OTOP1: variants seen among roughly 807,000 people sequenced by gnomAD.
The protein encoded by OTOP1 is proton channel OTOP1.
In OTOP1, 59 loss-of-function variants were observed where a neutral mutation model predicts 52.9. The observed-to-expected ratio is 1.12, with a 90% CI of 0.91 to 1.39. The LOEUF (loss-of-function observed/expected upper bound fraction) is 1.39. OTOP1 is among the 40% of genes most tolerant of loss of function. The pLI, the probability that OTOP1 is intolerant of heterozygous loss-of-function variation, is 0.00. For missense variants in OTOP1, 761 were observed against 800.9 expected, an observed-to-expected ratio of 0.95 and a Z score of 0.60; for synonymous variants, 317 against 337.7, an observed-to-expected ratio of 0.94 and a Z score of 0.67.
intron 3 of OTOP1, among the ~76,000 whole-genome samples, chr4:4,203,379 G>A (rs6836695): frequency 0.072 from 10,977 of 152,240 alleles, 551 homozygotes; most frequent in Admixed American, 0.16. Context: ...TGAGCTGCGG[G>A]AGATCCAGAT....
intron 3 of OTOP1, among the ~76,000 whole-genome samples, chr4:4,204,831 G>C (rs1716864238): frequency 6.6e-6 from 1 of 151,962 alleles, no homozygotes; most frequent in Non-Finnish European, 1.5e-5. Context: ...GAGTGCAGTG[G>C]CGTGATCTCG....
chr4:4,212,844 TATAA>T lies in OTOP1; in HGVS notation c.540+20_540+23del, dbSNP rs746479406. On this transcript the variant is annotated intron_variant, in intron 2 of 5. Transcript: ENST00000296358. ...GATACACTTCATAGGAATGAGACAA[TATAA>T]ATAAACATCAGTGGTTTACCTGCAA... The T allele has an allele frequency of 1.4e-5, 23 of 1,612,844 alleles. No individual in the cohort carries two copies. Among genetic ancestry groups the T allele is most frequent in the Non-Finnish European group, 1.7e-6 (2 of 1,179,044 alleles).
chr4:4,224,031 A>G (rs1317215709), intron 1 of OTOP1, among the ~76,000 whole-genome samples: 1 of 151,022 alleles, frequency 6.6e-6, no homozygotes, highest in Admixed American at 6.6e-5. Flanking sequence ...GGAGGAGAAG[A>G]GAGAAAGAAA....
At chr4:4,217,231 A>G (rs1438771130) in intron 1 of OTOP1, among the ~76,000 whole-genome samples, 1 of 152,254 alleles carries the variant, frequency 6.6e-6, no homozygotes, top group East Asian at 1.9e-4. Context: ...TGCATGAGGC[A>G]TTGTGTCAAG....
chr4:4,198,070 G>A lies in OTOP1; in HGVS notation c.764C>T (p.Thr255Met), dbSNP rs201574696. The A allele has an allele frequency of 1.5e-4, 244 of 1,613,948 alleles. No individual in the cohort carries two copies. Among genetic ancestry groups the A allele is most frequent in the Non-Finnish European group, 1.8e-4 (215 of 1,179,962 alleles). ...LDDHTPQCNC[T>M]PPTLCTAISH... ...GATGGCAGTGCACAGAGTTGGGGGCGTGCAGTTACACTGCGGTGTGTGGTC... is the reference window on the plus strand; with the variant it reads ...GATGGCAGTGCACAGAGTTGGGGGCATGCAGTTACACTGCGGTGTGTGGTC... Residue 255 changes from threonine to methionine, a missense_variant, in exon 5 of 6, where the codon ACG (threonine) becomes ATG (methionine). Transcript: ENST00000296358.
intron 2 of OTOP1, among the ~76,000 whole-genome samples, chr4:4,212,325 C>T (rs892851330): frequency 2.2e-4 from 34 of 152,314 alleles, no homozygotes; most frequent in African/African-American, 6.0e-4. Flanking sequence ...AAACAATCCT[C>T]ATACATTTCT....
At chr4:4,203,893 C>A (rs574914750) in intron 3 of OTOP1, among the ~76,000 whole-genome samples, 3 of 152,330 alleles carry the variant, frequency 2.0e-5, no homozygotes, top group South Asian at 4.1e-4. Flanking sequence ...ATCCATGGAA[C>A]CTTCCAAAAC....
chr4:4,195,993 A>G (rs1373696465), intron 5 of OTOP1, among the ~76,000 whole-genome samples: 1 of 152,232 alleles, frequency 6.6e-6, no homozygotes, highest in Admixed American at 6.5e-5. Flanking sequence ...GTAGATTTGT[A>G]GAATACAGGT....
intron 2 of OTOP1, among the ~76,000 whole-genome samples, chr4:4,206,638 C>G (rs1716912081): frequency 6.6e-6 from 1 of 152,172 alleles, no homozygotes; most frequent in Non-Finnish European, 1.5e-5. Flanking sequence ...TATGCAGTCA[C>G]TAGCAGCATA....
At chr4:4,190,318 C>A (rs1476137343) in intron 5 of OTOP1, among the ~76,000 whole-genome samples, 1 of 152,064 alleles carries the variant, frequency 6.6e-6, no homozygotes, top group Non-Finnish European at 1.5e-5. Context: ...ACTAAAAATA[C>A]AAAAAATTAG....
At chr4:4,203,907 A>T (rs1442864265) in intron 3 of OTOP1, among the ~76,000 whole-genome samples, 1 of 152,220 alleles carries the variant, frequency 6.6e-6, no homozygotes, top group Non-Finnish European at 1.5e-5. Flanking sequence ...CCAAAACCAC[A>T]GAATCTTGGC....
intron 5 of OTOP1, among the ~76,000 whole-genome samples, chr4:4,191,549 C>T (rs6858799): frequency 0.061 from 9,259 of 152,230 alleles, 386 homozygotes; most frequent in South Asian, 0.11. Context: ...ACCAGAACCG[C>T]TCACTCCCAC....
At chr4:4,201,656 G>A (rs571769674) in intron 4 of OTOP1, among the ~76,000 whole-genome samples, 100 of 152,078 alleles carry the variant, frequency 6.6e-4, no homozygotes, top group African/African-American at 2.4e-3. Context: ...GGACAGCCTG[G>A]GTTTACAAAA....
In OTOP1 at chr4:4,197,337, G is replaced by A; in HGVS notation, c.1497C>T (p.Ala499=). 1 of 1,614,018 alleles carries A rather than the reference G, an allele frequency of 6.2e-7. No individual in the cohort carries two copies. The highest frequency in any genetic ancestry group is 8.5e-7 in the Non-Finnish European group (1 of 1,180,020). ...TTTCTCTCATGCACACATTTCCATTGGCTGCTGGTGGCATGTCCTTGCCCT... is the reference window on the plus strand; with the variant it reads ...TTTCTCTCATGCACACATTTCCATTAGCTGCTGGTGGCATGTCCTTGCCCT... The part of the protein sequence containing the change: ...APQGKDMPPA[A]NGNVCMRESH... The change falls in exon 5 of 6, where the codon GCC becomes GCT. Residue 499 remains alanine (A), a synonymous_variant. Coordinates refer to ENST00000296358, the MANE Select transcript of OTOP1 (RefSeq NM_177998.3).
intron 1 of OTOP1, among the ~76,000 whole-genome samples, chr4:4,223,277 CT>C (rs1717340103): frequency 6.6e-6 from 1 of 152,198 alleles, no homozygotes; most frequent in Non-Finnish European, 1.5e-5. Context: ...CTGCTCTTCC[CT>C]TTGGCTTCCC....
intron 2 of OTOP1, among the ~76,000 whole-genome samples, chr4:4,207,595 G>GTA (rs10582588): frequency 7.0e-4 from 105 of 150,026 alleles, no homozygotes; most frequent in South Asian, 7.0e-3. Flanking sequence ...CCACTTCTGG[G>GTA]TATATATATA....
intron 5 of OTOP1, among the ~76,000 whole-genome samples, chr4:4,191,984 C>T (rs1387640652): frequency 4.6e-5 from 7 of 152,150 alleles, no homozygotes; most frequent in Admixed American, 3.9e-4. Flanking sequence ...TTCTGAAATC[C>T]ACATCTTTAT....
At chr4:4,213,450 G>A (rs569892040) in intron 1 of OTOP1, among the ~76,000 whole-genome samples, 28 of 152,288 alleles carry the variant, frequency 1.8e-4, no homozygotes, top group Non-Finnish European at 3.5e-4. Flanking sequence ...GAAGCGGAAA[G>A]ACAGCCCACA....
chr4:4,225,269 A>C (rs1418884860), intron 1 of OTOP1, among the ~76,000 whole-genome samples: 2 of 152,138 alleles, frequency 1.3e-5, no homozygotes, highest in Non-Finnish European at 2.9e-5. Flanking sequence ...TCTGTCTCCC[A>C]TTCAAGACTG....
Sources: allele counts gnomAD v4.1 joint callset (sites outside exome capture counted in the v4.1 genomes callset), GRCh38; gene constraint gnomAD v4.1.1; transcripts MANE v1.5; gene names NCBI Gene and HGNC (gene_info 2026-07-23, HGNC 2026-07-21).